The following UTRN variants were observed in gnomAD, a reference collection of about 807,000 sequenced individuals.
The protein encoded by UTRN is dystrophin-related protein 1.
UTRN carries 283 observed loss-of-function variants against 463.9 expected under a neutral mutation model. That is an observed-to-expected ratio of 0.61 (90% CI 0.55 to 0.67). The LOEUF is 0.67. Ranked by LOEUF, UTRN falls within the 30% of genes least tolerant of loss-of-function variation. The pLI is 0.00. For synonymous variants in UTRN, 1,442 were observed against 1,431.5 expected, an observed-to-expected ratio of 1.01 and a Z score of -0.17; for missense variants, 3,922 against 4,084.3, an observed-to-expected ratio of 0.96 and a Z score of 1.08.
chr6:144,437,905 G>C (rs1218819509), intron 11 of UTRN, among the ~76,000 whole-genome samples, 159 bp downstream of exon 11: 1 of 152,238 alleles, frequency 6.6e-6, no homozygotes, highest in African/African-American at 2.4e-5. Context: ...AATTCTGCAT[G>C]ATCTTTGTTT....
chr6:144,509,944 A>C (rs1284093393), intron 34 of UTRN, among the ~76,000 whole-genome samples: 1 of 152,136 alleles, frequency 6.6e-6, no homozygotes, highest in Non-Finnish European at 1.5e-5. Flanking sequence ...GAGCATAGCT[A>C]TTGGGTATCC....
intron 61 of UTRN, 51 bp from the exon 62 acceptor site, chr6:144,789,143 C>A (rs763408051): frequency 5.1e-6 from 7 of 1,373,894 alleles, no homozygotes; most frequent in Non-Finnish European, 7.1e-6. Context: ...AATGAACATG[C>A]TGTATATGGT....
chr6:144,554,047 G>A (rs1000523287), intron 48 of UTRN, among the ~76,000 whole-genome samples: 29 of 152,078 alleles, frequency 1.9e-4, no homozygotes, highest in African/African-American at 6.8e-4. Context: ...TGAAAGGAAT[G>A]AACAATAATA....
intron 53 of UTRN, among the ~76,000 whole-genome samples, chr6:144,712,653 G>GGA (rs1357478259): frequency 1.3e-5 from 2 of 152,162 alleles, no homozygotes; most frequent in Admixed American, 1.3e-4. Flanking sequence ...TTGCAATCAT[G>GGA]GAGCTCACTT....
At chr6:144,830,648 A>C (rs1032662474) in intron 69 of UTRN, among the ~76,000 whole-genome samples, 1 of 152,158 alleles carries the variant, frequency 6.6e-6, no homozygotes, top group African/African-American at 2.4e-5. Context: ...ACAGCTTTGA[A>C]TGCAGCCCAA....
chr6:144,829,249 A>G (rs1443267919), intron 69 of UTRN, among the ~76,000 whole-genome samples: 1 of 151,998 alleles, frequency 6.6e-6, no homozygotes, highest in Non-Finnish European at 1.5e-5. Context: ...CATTTTTTCC[A>G]TAATATCTGC....
intron 2 of UTRN, among the ~76,000 whole-genome samples, chr6:144,336,331 C>T (rs892150313): frequency 3.3e-5 from 5 of 152,174 alleles, no homozygotes; most frequent in Admixed American, 2.6e-4. Flanking sequence ...TTGGGGACGT[C>T]AGCACACTCA....
intron 9 of UTRN, among the ~76,000 whole-genome samples, chr6:144,433,863 G>T (rs1268786939): frequency 2.1e-4 from 31 of 150,952 alleles, no homozygotes; most frequent in Non-Finnish European, 4.3e-4. Flanking sequence ...TCCAGACTGG[G>T]CAGCCAGGCA....
At chr6:144,451,234 C>T in intron 17 of UTRN, 136 bp from the exon 18 acceptor site, 1 of 831,996 alleles carries the variant, frequency 1.2e-6, no homozygotes, top group East Asian at 2.7e-5. Flanking sequence ...GCATGGTTAC[C>T]CTATTTCTGG....
At chr6:144,630,212 G>A (rs551658852) in intron 51 of UTRN, among the ~76,000 whole-genome samples, 1 of 152,130 alleles carries the variant, frequency 6.6e-6, no homozygotes, top group South Asian at 2.1e-4. Context: ...AAATGAAGTG[G>A]CATTCTGATT....
chr6:144,637,469 A>G (rs1216645491), intron 51 of UTRN, among the ~76,000 whole-genome samples: 1 of 151,942 alleles, frequency 6.6e-6, no homozygotes, highest in African/African-American at 2.4e-5. Context: ...GAAATAATGC[A>G]CGTTTCTTGA....
rs1428641511 is a variant in UTRN, at chr6:144,690,072, C to CTAT, written c.7653-10014_7653-10013insATT. 1.7e-3 allele frequency among the ~76,000 whole-genome samples: 59 copies of CTAT among 35,650 alleles called. 13 individuals are homozygous for CTAT. The highest frequency in any genetic ancestry group is 0.01 in the East Asian group (7 of 686). 23.4% of individuals were successfully genotyped at this position (35,650 alleles called of 152,430 possible). ...GGGGCCATAGAGCTCCCAAAAGTTT[C>CTAT]TGTTTTTTTTTTTTTTTTTTTTTTG... On this transcript the variant is annotated intron_variant, in intron 52 of 74. Coordinates refer to ENST00000367545, the MANE Select transcript of UTRN (RefSeq NM_007124.3).
intron 2 of UTRN, among the ~76,000 whole-genome samples, chr6:144,317,354 T>C (rs1344667111): frequency 6.6e-6 from 1 of 152,238 alleles, no homozygotes. Context: ...GCCAACGATT[T>C]GCCTTAATCC....
At chr6:144,358,706 A>G (rs1778785819) in intron 2 of UTRN, among the ~76,000 whole-genome samples, 1 of 152,200 alleles carries the variant, frequency 6.6e-6, no homozygotes, top group African/African-American at 2.4e-5. Context: ...CCTGGGCTCA[A>G]GTGATCCTCC....
intron 14 of UTRN, among the ~76,000 whole-genome samples, chr6:144,446,854 C>A (rs1470042460): frequency 6.6e-6 from 1 of 152,164 alleles, no homozygotes; most frequent in African/African-American, 2.4e-5. Context: ...GGGGCTGGGA[C>A]AAGACAATCT....
At chr6:144,543,984 T>C (rs1798195774) in intron 46 of UTRN, among the ~76,000 whole-genome samples, 1 of 152,206 alleles carries the variant, frequency 6.6e-6, no homozygotes, top group Non-Finnish European at 1.5e-5. Flanking sequence ...AAATACAGGC[T>C]CAACTCCATA....
intron 50 of UTRN, among the ~76,000 whole-genome samples, chr6:144,566,471 T>C (rs1469299717): frequency 6.6e-6 from 1 of 152,100 alleles, no homozygotes; most frequent in Non-Finnish European, 1.5e-5. Flanking sequence ...GGGAGAAAGA[T>C]GGAGCAGGGA....
chr6:144,296,147 C>T (rs551089106), intron 2 of UTRN, among the ~76,000 whole-genome samples: 2 of 152,318 alleles, frequency 1.3e-5, no homozygotes, highest in South Asian at 4.1e-4. Flanking sequence ...ACTCCCAGGG[C>T]CTGGACTGGT....
In UTRN at chr6:144,411,684, T is replaced by A. The variant is rs575049498; in HGVS notation, c.141+8500T>A. On this transcript the variant is annotated intron_variant, in intron 3 of 74. Transcript: ENST00000367545. Reference sequence around the variant, plus strand: ...TGAAGGTAGGTGCACATTTACTGATTCGGAGTGTTCTCTGCACATTTACAG... The same window carrying A: ...TGAAGGTAGGTGCACATTTACTGATACGGAGTGTTCTCTGCACATTTACAG... Among the ~76,000 whole-genome samples the A allele has an allele frequency of 3.9e-5, 6 of 152,316 alleles. No individual in the cohort carries two copies. In the East Asian group the frequency reaches 1.2e-3, roughly 29 times the overall value.
Sources: allele counts gnomAD v4.1 joint callset (sites outside exome capture counted in the v4.1 genomes callset), GRCh38; gene constraint gnomAD v4.1.1; transcripts MANE v1.5; gene names NCBI Gene and HGNC (gene_info 2026-07-23, HGNC 2026-07-21).